The following PDZRN4 variants were observed in gnomAD, a reference collection of about 807,000 sequenced individuals.
The protein encoded by PDZRN4 is PDZ domain containing ring finger 4.
PDZRN4 carries 70 observed loss-of-function variants against 99.0 expected under a neutral mutation model. That is an observed-to-expected ratio of 0.71 (90% CI 0.58 to 0.86). The LOEUF (loss-of-function observed/expected upper bound fraction) is 0.86. PDZRN4 is among the 40% of genes least tolerant of loss of function. The pLI, the probability that PDZRN4 is intolerant of heterozygous loss-of-function variation, is 0.00. For missense variants in PDZRN4, 1,474 were observed against 1,331.2 expected (o/e 1.11, Z -1.67); for synonymous variants, 551 against 501.6 (o/e 1.10, Z -1.32).
At chr12:41,550,085 T>G (rs894133715) in intron 5 of PDZRN4, among the ~76,000 whole-genome samples, 1 of 152,186 alleles carries the variant, frequency 6.6e-6, no homozygotes, top group African/African-American at 2.4e-5. Context: ...ATAGGCAGAT[T>G]GTGCCCTTTT....
At position 41,235,584 on chromosome 12, in the gene PDZRN4, G is replaced by A. The variant is rs112283575; in HGVS notation, c.843+41396G>A. Among the ~76,000 whole-genome samples, 1,469 of 152,244 alleles carry A rather than the reference G, an allele frequency of 9.6e-3. 12 individuals carry two copies. The highest frequency in any genetic ancestry group is 0.024 in the South Asian group (118 of 4,828). ...ACTAGACACATAAGTTAATTTAAAAGCATGTGGGCCCAGAAATGCTAGACC... is the reference window on the plus strand; with the variant it reads ...ACTAGACACATAAGTTAATTTAAAAACATGTGGGCCCAGAAATGCTAGACC... On this transcript the variant is annotated intron_variant, in intron 3 of 9. Coordinates refer to ENST00000402685, the MANE Select transcript of PDZRN4 (RefSeq NM_001164595.2).
intron 3 of PDZRN4, among the ~76,000 whole-genome samples, chr12:41,428,083 A>C (rs1387991776): frequency 2.0e-5 from 3 of 152,122 alleles, no homozygotes; most frequent in Non-Finnish European, 4.4e-5. Flanking sequence ...GTGAGACTCC[A>C]TCTCAAAAAA....
intron 5 of PDZRN4, among the ~76,000 whole-genome samples, chr12:41,514,846 A>G (rs1415953385): frequency 6.6e-6 from 1 of 152,092 alleles, no homozygotes; most frequent in Non-Finnish European, 1.5e-5. Context: ...TGTCTCAAAC[A>G]CTTGTAAGGA....
At chr12:41,542,689 T>C (rs554407909) in intron 5 of PDZRN4, among the ~76,000 whole-genome samples, 4 of 152,330 alleles carry the variant, frequency 2.6e-5, no homozygotes, top group African/African-American at 7.2e-5. Context: ...GTTTCTACTC[T>C]CAGCTCTGCC....
At chr12:41,413,243 T>A (rs1182860755) in intron 3 of PDZRN4, among the ~76,000 whole-genome samples, 1 of 152,192 alleles carries the variant, frequency 6.6e-6, no homozygotes, top group East Asian at 1.9e-4. Flanking sequence ...GAAGACATGA[T>A]ATTGAGTGAA....
intron 3 of PDZRN4, among the ~76,000 whole-genome samples, chr12:41,269,416 C>T (rs1466611613): frequency 6.6e-6 from 1 of 152,100 alleles, no homozygotes; most frequent in East Asian, 1.9e-4. Flanking sequence ...CTTCTTGCAG[C>T]CCAACATAAT....
chr12:41,273,917 C>T (rs937384119), intron 3 of PDZRN4, among the ~76,000 whole-genome samples: 1 of 152,032 alleles, frequency 6.6e-6, no homozygotes, highest in Non-Finnish European at 1.5e-5. Context: ...TATCATTTTT[C>T]TTAATGCATC....
At chr12:41,365,466 A>G (rs1400237443) in intron 3 of PDZRN4, among the ~76,000 whole-genome samples, 2 of 152,080 alleles carry the variant, frequency 1.3e-5, no homozygotes, top group Non-Finnish European at 2.9e-5. Flanking sequence ...AGTAAACCTC[A>G]TCTTACAGGA....
intron 3 of PDZRN4, among the ~76,000 whole-genome samples, chr12:41,474,872 A>T (rs779804690): frequency 6.6e-6 from 1 of 152,232 alleles, no homozygotes; most frequent in East Asian, 1.9e-4. Context: ...CTGAGGATGC[A>T]CAATTGATTC....
chr12:41,286,453 T>TA (rs984362301), intron 3 of PDZRN4, among the ~76,000 whole-genome samples: 3 of 151,246 alleles, frequency 2.0e-5, no homozygotes, highest in Non-Finnish European at 4.4e-5. Flanking sequence ...CTCTATTTTT[T>TA]AAAAAACATT....
chr12:41,193,029 A>G (rs1232795451), intron 2 of PDZRN4, among the ~76,000 whole-genome samples: 1 of 152,204 alleles, frequency 6.6e-6, no homozygotes, highest in African/African-American at 2.4e-5. Context: ...AAACTGTCTT[A>G]GTGTTGTTGG....
At chr12:41,306,867 A>G (rs1450126271) in intron 3 of PDZRN4, among the ~76,000 whole-genome samples, 1 of 152,136 alleles carries the variant, frequency 6.6e-6, no homozygotes, top group African/African-American at 2.4e-5. Context: ...GTCCACTAAG[A>G]TACTCCTCAT....
chr12:41,486,039 T>C (rs1937766951), intron 3 of PDZRN4, among the ~76,000 whole-genome samples: 2 of 152,160 alleles, frequency 1.3e-5, no homozygotes, highest in South Asian at 4.1e-4. Flanking sequence ...TTTCCAGTTT[T>C]ATGTAAGGCG....
Position 41,359,819 on chromosome 12 carries a change from T to A in PDZRN4, c.844-146637T>A, listed in dbSNP as rs961624152. On this transcript the variant is annotated intron_variant, in intron 3 of 9. Transcript: ENST00000402685. ...AGCAGCGTGAGAACGGACTTATACATGTACAAAGCAAGGTACCTTATCTAT... is the reference window on the plus strand; with the variant it reads ...AGCAGCGTGAGAACGGACTTATACAAGTACAAAGCAAGGTACCTTATCTAT... Among the ~76,000 whole-genome samples the A allele has an allele frequency of 2.0e-5, 3 of 151,992 alleles. No homozygotes were observed. The East Asian group carries it at 5.8e-4, about 29-fold the overall frequency.
chr12:41,282,158 A>G (rs1168748799), intron 3 of PDZRN4, among the ~76,000 whole-genome samples: 1 of 152,222 alleles, frequency 6.6e-6, no homozygotes, highest in Non-Finnish European at 1.5e-5. Context: ...CATAGGCTCA[A>G]AATAAAGGGA....
intron 3 of PDZRN4, among the ~76,000 whole-genome samples, chr12:41,231,200 T>C (rs778828089): frequency 6.6e-6 from 1 of 152,104 alleles, no homozygotes; most frequent in Non-Finnish European, 1.5e-5. Flanking sequence ...GATTTAGACT[T>C]GATAAGCCCT....
At chr12:41,290,987 T>G (rs1821877565) in intron 3 of PDZRN4, among the ~76,000 whole-genome samples, 1 of 152,104 alleles carries the variant, frequency 6.6e-6, no homozygotes, top group African/African-American at 2.4e-5. Context: ...AGCCTCCTTT[T>G]TAAAGATGTA....
chr12:41,334,700 G>T (rs1242141436), intron 3 of PDZRN4, among the ~76,000 whole-genome samples: 1 of 152,110 alleles, frequency 6.6e-6, no homozygotes, highest in Non-Finnish European at 1.5e-5. Flanking sequence ...AGACTAACTG[G>T]GGCTGGATTT....
chr12:41,217,419 G>A (rs987951801), intron 3 of PDZRN4, among the ~76,000 whole-genome samples: 1 of 151,876 alleles, frequency 6.6e-6, no homozygotes, highest in Non-Finnish European at 1.5e-5. Flanking sequence ...ACCTGGTCCT[G>A]CTCTAAGGCT....
Sources: gnomAD v4.1 joint callset for allele counts (sites outside exome capture counted in the v4.1 genomes callset) on GRCh38, gnomAD v4.1.1 for gene constraint, MANE v1.5 for transcripts, NCBI Gene and HGNC (gene_info 2026-07-23, HGNC 2026-07-21) for gene names.